The following CAST variants were observed in gnomAD, a reference collection of about 807,000 sequenced individuals.
The protein encoded by CAST is calpastatin, also known as MIR583 host.
In CAST, 76 loss-of-function variants were observed where a neutral mutation model predicts 119.6. That is an observed-to-expected ratio of 0.64 (90% confidence interval 0.53 to 0.77). CAST has a LOEUF of 0.77. Ranked by LOEUF, CAST falls within the 30% of genes least tolerant of loss-of-function variation. The pLI is 0.00. For synonymous variants in CAST, 319 were observed against 331.6 expected (o/e 0.96, Z 0.41); for missense variants, 953 against 946.5 (o/e 1.01, Z -0.09).
At chr5:96,563,700 G>T (rs949836896) in intron 1 of CAST, among the ~76,000 whole-genome samples, 1 of 152,098 alleles carries the variant, frequency 6.6e-6, no homozygotes, top group African/African-American at 2.4e-5. Context: ...ACGGTATACG[G>T]TATATGGTAT....
chr5:96,245,645 T>C, the CAST span, among the ~76,000 whole-genome samples: 1 of 149,262 alleles, frequency 6.7e-6, no homozygotes, highest in African/African-American at 2.5e-5. Flanking sequence ...AAACAAATAG[T>C]GAGTAGACAC....
chr5:95,997,610 T>C, the CAST span, among the ~76,000 whole-genome samples: 1 of 152,174 alleles, frequency 6.6e-6, no homozygotes, highest in Non-Finnish European at 1.5e-5. Flanking sequence ...GCACTCAGAA[T>C]AGATGTGTCT....
chr5:96,467,399 C>T, the CAST span, among the ~76,000 whole-genome samples: 1 of 151,972 alleles, frequency 6.6e-6, no homozygotes, highest in African/African-American at 2.4e-5. Flanking sequence ...AGAAAGACTT[C>T]CCCTATACTG....
the CAST span, among the ~76,000 whole-genome samples, chr5:96,282,617 A>T: frequency 6.6e-6 from 1 of 152,214 alleles, no homozygotes; most frequent in African/African-American, 2.4e-5. Flanking sequence ...GTAAATATTC[A>T]TAAACACCAT....
At chr5:96,144,843 A>AT in the CAST span, among the ~76,000 whole-genome samples, 2,875 of 151,090 alleles carry the variant, frequency 0.019, 62 homozygotes, top group African/African-American at 0.058. Context: ...TGCCCAGCTA[A>AT]TTTTTTTTTG....
At chr5:96,626,791 G>A (rs555858787) in intron 1 of CAST, among the ~76,000 whole-genome samples, 1 of 152,140 alleles carries the variant, frequency 6.6e-6, no homozygotes, top group South Asian at 2.1e-4. Context: ...GTTATCAGGA[G>A]CCCTGTCCTT....
the CAST span, chr5:96,416,033 C>T: frequency 1.3e-6 from 2 of 1,596,612 alleles, no homozygotes; most frequent in East Asian, 2.2e-5. Context: ...TCTGTTTTAC[C>T]TCCAACTTTG....
At chr5:96,005,661 A>T in the CAST span, among the ~76,000 whole-genome samples, 1 of 152,204 alleles carries the variant, frequency 6.6e-6, no homozygotes, top group African/African-American at 2.4e-5. Flanking sequence ...AAATCAAGTG[A>T]AAATAAAACC....
chr5:96,725,197 G>A (rs1365872477), intron 4 of CAST, among the ~76,000 whole-genome samples: 4 of 152,166 alleles, frequency 2.6e-5, no homozygotes, highest in Non-Finnish European at 5.9e-5. Flanking sequence ...TTGGCCTCAA[G>A]TCTCTTTCCC....
chr5:96,531,558 A>G (rs1285451835), intron 1 of CAST, among the ~76,000 whole-genome samples: 1 of 152,218 alleles, frequency 6.6e-6, no homozygotes, highest in Non-Finnish European at 1.5e-5. Flanking sequence ...AGGCCTACCC[A>G]TGTACTAACA....
intron 1 of CAST, among the ~76,000 whole-genome samples, chr5:96,618,241 G>T (rs186948393): frequency 4.3e-4 from 66 of 152,368 alleles, no homozygotes; most frequent in Non-Finnish European, 7.1e-4. Flanking sequence ...ATCTATCTGA[G>T]CTCTGTGCTT....
chr5:96,032,663 G>A, the CAST span, among the ~76,000 whole-genome samples: 25 of 152,162 alleles, frequency 1.6e-4, no homozygotes, highest in South Asian at 5.0e-3. Context: ...AAAACCCCTA[G>A]GTCTGTTGCC....
chr5:96,053,228 A>G, the CAST span, among the ~76,000 whole-genome samples: 2 of 152,178 alleles, frequency 1.3e-5, no homozygotes, highest in African/African-American at 4.8e-5. Context: ...ACTCCCAGAG[A>G]TTCTGATGTA....
intron 1 of CAST, among the ~76,000 whole-genome samples, chr5:96,566,973 C>T (rs774935128): frequency 2.0e-5 from 3 of 152,248 alleles, no homozygotes; most frequent in South Asian, 2.1e-4. Flanking sequence ...TTGTTTTAAG[C>T]CCAGCATTGG....
At chr5:96,017,135 C>A in the CAST span, among the ~76,000 whole-genome samples, 1 of 152,090 alleles carries the variant, frequency 6.6e-6, no homozygotes, top group African/African-American at 2.4e-5. Context: ...CAAGGCCGGC[C>A]GGTTATCTAT....
chr5:96,578,886 C>A (rs1746721160), intron 1 of CAST, among the ~76,000 whole-genome samples: 1 of 152,128 alleles, frequency 6.6e-6, no homozygotes, highest in African/African-American at 2.4e-5. Flanking sequence ...TCCTGGCTTA[C>A]TTTTGCAGGC....
At chr5:96,360,860 G>C in the CAST span, among the ~76,000 whole-genome samples, 9 of 152,230 alleles carry the variant, frequency 5.9e-5, no homozygotes. Flanking sequence ...CTCAAGAGCT[G>C]TGCTGGGAGA....
At chr5:96,449,817 C>T in the CAST span, among the ~76,000 whole-genome samples, 45 of 152,300 alleles carry the variant, frequency 3.0e-4, no homozygotes, top group African/African-American at 9.9e-4. Context: ...GTCTGTTGCA[C>T]CTTGGTGTGA....
chr5:96,100,339 T>C, the CAST span, among the ~76,000 whole-genome samples: 3 of 152,198 alleles, frequency 2.0e-5, no homozygotes, highest in Non-Finnish European at 4.4e-5. Flanking sequence ...TCCCCTGACA[T>C]GCTAGCTTCT....
Sources: gnomAD v4.1 joint callset for allele counts (sites outside exome capture counted in the v4.1 genomes callset) on GRCh38, gnomAD v4.1.1 for gene constraint, MANE v1.5 for transcripts, NCBI Gene and HGNC (gene_info 2026-07-23, HGNC 2026-07-21) for gene names.